PCDHA7: variants seen among roughly 807,000 people sequenced by gnomAD.
PCDHA7 encodes the protein protocadherin alpha-7.
In PCDHA7, 37 loss-of-function variants were observed where a neutral mutation model predicts 57.2. The ratio of observed to expected loss-of-function variants is 0.65; its 90% CI spans 0.50 to 0.85. The LOEUF is 0.85. PCDHA7 is among the 40% of genes least tolerant of loss of function. The pLI is 0.00. For synonymous variants in PCDHA7, 553 were observed against 558.8 expected (o/e 0.99, Z 0.15); for missense variants, 1,188 against 1,241.8 (o/e 0.96, Z 0.65).
At position 140,870,438 on chromosome 5, in the gene PCDHA7, C is replaced by T. The variant is rs192088459; in HGVS notation, c.2355+33700C>T. 3.9e-4 allele frequency: 630 copies of T among 1,614,178 alleles called. 3 individuals are homozygous for T. The African/African-American group carries it at 7.7e-3, about 20-fold the overall frequency. On this transcript the variant is annotated intron_variant, in intron 1 of 3. Coordinates refer to ENST00000525929, the MANE Select transcript of PCDHA7 (RefSeq NM_018910.3). ...CGGCCAGGGTATCCGTGGAGGTGGCCGACGTGAACGACAATGCGCCTGCGT... is the reference window on the plus strand; with the variant it reads ...CGGCCAGGGTATCCGTGGAGGTGGCTGACGTGAACGACAATGCGCCTGCGT...
At chr5:140,856,807 T>C in intron 1 of PCDHA7, 1 of 1,594,936 alleles carries the variant, frequency 6.3e-7, no homozygotes, top group Non-Finnish European at 8.6e-7. Context: ...TGTATGAAAA[T>C]CAAGTGAACC....
intron 1 of PCDHA7, among the ~76,000 whole-genome samples, chr5:140,972,862 T>C (rs781936892): frequency 2.0e-5 from 3 of 151,966 alleles, no homozygotes; most frequent in Non-Finnish European, 4.4e-5. Context: ...TGGGGTTTCA[T>C]CATGTTGTCC....
intron 1 of PCDHA7, chr5:140,871,301 CGGG>C: frequency 6.2e-7 from 1 of 1,613,916 alleles, no homozygotes; most frequent in East Asian, 2.2e-5. Context: ...GCGTGCGCGC[CGGG>C]GAAGCCCACG....
intron 1 of PCDHA7, among the ~76,000 whole-genome samples, chr5:140,905,954 C>G (rs1297429672): frequency 6.6e-6 from 1 of 152,158 alleles, no homozygotes; most frequent in Non-Finnish European, 1.5e-5. Context: ...ATCCGATGTT[C>G]AAGGGGAGGA....
At chr5:140,862,638 C>T (rs782579250) in intron 1 of PCDHA7, 2 of 539,918 alleles carry the variant, frequency 3.7e-6, no homozygotes, top group African/African-American at 1.9e-5. Flanking sequence ...GCCACGACTT[C>T]ACAGTGTCCG....
chr5:140,943,923 C>A (rs1454812803), intron 1 of PCDHA7, among the ~76,000 whole-genome samples: 1 of 152,162 alleles, frequency 6.6e-6, no homozygotes, highest in Non-Finnish European at 1.5e-5. Flanking sequence ...GCATGAGCAG[C>A]TTTAGAAGTG....
Position 141,010,446 on chromosome 5 carries a change from C to A in PCDHA7, c.*509C>A. On this transcript the variant is annotated 3_prime_UTR_variant, in exon 4 of 4. Coordinates refer to ENST00000525929, the MANE Select transcript of PCDHA7 (RefSeq NM_018910.3). ...AGGCAAGAAAACAAAGACAAATAAA[C>A]AGCGGAAGTTATCAGTATGGAGGGG... 1 of 944,706 alleles carries A rather than the reference C, an allele frequency of 1.1e-6. No homozygotes were observed. The highest frequency in any genetic ancestry group is 1.7e-5 in the African/African-American group (1 of 60,424). The allele number at this position is 944,706 out of a possible 1,614,324, so 58.5% of individuals were successfully genotyped here.
chr5:140,999,066 T>G (rs2097845533), intron 3 of PCDHA7, among the ~76,000 whole-genome samples: 1 of 152,214 alleles, frequency 6.6e-6, no homozygotes, highest in Admixed American at 6.5e-5. Flanking sequence ...CTAAGTAGTC[T>G]CCTTCACTTC....
chr5:140,855,923 A>C (rs1424860955), intron 1 of PCDHA7: 25 of 1,229,030 alleles, frequency 2.0e-5, no homozygotes, highest in Non-Finnish European at 2.7e-5. Context: ...ACTAGGAAGT[A>C]GCGTCATTCT....
intron 2 of PCDHA7, chr5:140,982,229 A>C (rs2096972091): frequency 3.2e-6 from 2 of 616,470 alleles, no homozygotes. Context: ...TTAATAAAAA[A>C]CAGAATTGCC....
intron 1 of PCDHA7, chr5:140,967,037 G>C (rs1429896772): frequency 2.5e-6 from 4 of 1,611,378 alleles, no homozygotes; most frequent in South Asian, 1.1e-5. Flanking sequence ...GCGCTACCTG[G>C]AGCTGGACCT....
Position 141,010,924 on chromosome 5 carries a change from T to G in PCDHA7, c.*987T>G, listed in dbSNP as rs1016736721. 1 of 153,778 alleles carries G rather than the reference T, an allele frequency of 6.5e-6. No homozygotes were observed. Among genetic ancestry groups the G allele is most frequent in the Non-Finnish European group, 1.5e-5 (1 of 68,046 alleles). 9.5% of individuals were successfully genotyped at this position (153,778 alleles called of 1,614,324 possible). A position where few individuals can be genotyped will look rare whatever the true frequency, so the allele number is the denominator to read the frequency against. Reference sequence around the variant, plus strand: ...CCCCTAAACTCTCCTCAAAAGAGAATTCAGTCTACAGCCATTTAAATGATC... The same window carrying G: ...CCCCTAAACTCTCCTCAAAAGAGAAGTCAGTCTACAGCCATTTAAATGATC... On this transcript the variant is annotated 3_prime_UTR_variant, in exon 4 of 4. Transcript: ENST00000525929.
intron 1 of PCDHA7, chr5:140,852,865 C>G (rs2042498317): frequency 7.4e-6 from 7 of 950,286 alleles, no homozygotes; most frequent in Non-Finnish European, 7.6e-6. Flanking sequence ...TTTACTATGT[C>G]ATCAATAATC....
intron 1 of PCDHA7, among the ~76,000 whole-genome samples, chr5:140,844,991 A>G (rs1435563145): frequency 2.0e-5 from 3 of 149,284 alleles, no homozygotes; most frequent in South Asian, 4.3e-4. Flanking sequence ...AAATCTTTTA[A>G]TCACTTATGA....
chr5:140,848,508 A>G, intron 1 of PCDHA7: 1 of 1,589,692 alleles, frequency 6.3e-7, no homozygotes, highest in Non-Finnish European at 8.6e-7. Flanking sequence ...GTTATACTCA[A>G]GTCGAGGAGA....
intron 1 of PCDHA7, chr5:140,843,325 G>A: frequency 6.3e-7 from 1 of 1,596,050 alleles, no homozygotes. Flanking sequence ...TTCTGGTGTC[G>A]CTGGTGGAGA....
chr5:140,879,366 C>A (rs1363345702), intron 1 of PCDHA7, among the ~76,000 whole-genome samples: 1 of 152,156 alleles, frequency 6.6e-6, no homozygotes, highest in East Asian at 1.9e-4. Flanking sequence ...CATTAACCAA[C>A]CTGCAGAACA....
chr5:141,006,689 G>A (rs1249412460), intron 3 of PCDHA7, among the ~76,000 whole-genome samples: 2 of 152,072 alleles, frequency 1.3e-5, no homozygotes, highest in Non-Finnish European at 2.9e-5. Context: ...TGGGAGAAGA[G>A]GACAGAGTCA....
intron 1 of PCDHA7, among the ~76,000 whole-genome samples, chr5:140,918,569 G>T (rs374823656): frequency 3.9e-5 from 6 of 152,136 alleles, no homozygotes; most frequent in African/African-American, 1.4e-4. Context: ...TGTATATTAT[G>T]CTGCTATTGG....
Sources: allele counts gnomAD v4.1 joint callset (sites outside exome capture counted in the v4.1 genomes callset), GRCh38; gene constraint gnomAD v4.1.1; transcripts MANE v1.5; gene names NCBI Gene and HGNC (gene_info 2026-07-23, HGNC 2026-07-21).